The following VPS4B variants were observed in gnomAD, a reference collection of about 807,000 sequenced individuals.
VPS4B encodes vacuolar protein sorting 4 homolog B, also known as vacuolar protein sorting-associated protein 4B.
In VPS4B, 23 loss-of-function variants were observed where a neutral mutation model predicts 56.1. The ratio of observed to expected loss-of-function variants is 0.41; its 90% CI spans 0.30 to 0.58. The LOEUF is 0.58. Ranked by LOEUF, VPS4B falls within the 20% of genes least tolerant of loss-of-function variation. VPS4B has a pLI of 0.29. For synonymous variants in VPS4B, 177 were observed against 186.0 expected, an observed-to-expected ratio of 0.95 and a Z score of 0.39; for missense variants, 372 against 531.9, an observed-to-expected ratio of 0.70 and a Z score of 2.96.
chr18:63,405,796 AAAACAAACAAAC>A (rs548392723), intron 4 of VPS4B, among the ~76,000 whole-genome samples: 47 of 151,308 alleles, frequency 3.1e-4, no homozygotes, highest in Admixed American at 4.6e-4. Flanking sequence ...CACCTCTACA[AAAACAAACAAAC>A]AAACAAACAA....
intron 1 of VPS4B, among the ~76,000 whole-genome samples, chr18:63,414,924 T>C (rs1916129813): frequency 6.6e-6 from 1 of 152,254 alleles, no homozygotes. Context: ...GCTCCAAACA[T>C]AGTGCTAATT....
chr18:63,407,714 A>G (rs571300087), intron 3 of VPS4B, among the ~76,000 whole-genome samples: 29 of 152,314 alleles, frequency 1.9e-4, no homozygotes, highest in Middle Eastern at 6.8e-3. Flanking sequence ...GGACAAAAAG[A>G]CCAGAATGAA....
At chr18:63,408,379 A>G (rs111697975) in intron 3 of VPS4B, among the ~76,000 whole-genome samples, 5 of 152,312 alleles carry the variant, frequency 3.3e-5, no homozygotes, top group African/African-American at 1.2e-4. Context: ...GGTGAGGTAG[A>G]CACTGCAAAA....
chr18:63,414,401 C>T (rs1026441841), intron 1 of VPS4B, among the ~76,000 whole-genome samples: 1 of 152,104 alleles, frequency 6.6e-6, no homozygotes, highest in Non-Finnish European at 1.5e-5. Flanking sequence ...ATCTCAAAGC[C>T]TCAGTGGTTA....
Position 63,389,673 on chromosome 18 carries a change from C to T in VPS4B, c.*1302G>A, listed in dbSNP as rs1297463584. 3 of 152,600 alleles carry T rather than the reference C, an allele frequency of 2.0e-5. No individual in the cohort carries two copies. Among genetic ancestry groups the T allele is most frequent in the East Asian group, 1.9e-4 (1 of 5,200 alleles). The allele number at this position is 152,600 out of a possible 1,614,324, so 9.5% of individuals were successfully genotyped here. Reference sequence around the variant, plus strand: ...ATTTCTAAAGCTTCATAAAGCATTACACTGATAACATATGTGTGGTCAGGA... The same window carrying T: ...ATTTCTAAAGCTTCATAAAGCATTATACTGATAACATATGTGTGGTCAGGA... On this transcript the variant is annotated 3_prime_UTR_variant, in exon 11 of 11. Transcript: ENST00000238497.
chr18:63,419,430 T>A (rs1052426450), intron 1 of VPS4B, among the ~76,000 whole-genome samples: 1 of 150,810 alleles, frequency 6.6e-6, no homozygotes, highest in African/African-American at 2.5e-5. Flanking sequence ...AAAAAAAAAA[T>A]AAATGCAGAT....
At chr18:63,411,655 G>GTT (rs11383277) in intron 1 of VPS4B, 77 bp from the exon 2 acceptor site, 48,622 of 741,600 alleles carry the variant, frequency 0.066, 10 homozygotes, top group East Asian at 0.17. Flanking sequence ...CATACTGAAA[G>GTT]TTTTTTTTTT....
intron 5 of VPS4B, among the ~76,000 whole-genome samples, chr18:63,402,862 G>A (rs911420307): frequency 3.9e-5 from 6 of 152,152 alleles, no homozygotes; most frequent in East Asian, 1.9e-4. Context: ...TATACGATAC[G>A]ACTGTCTGGA....
chr18:63,411,501 C>G lies in VPS4B; in HGVS notation c.105G>C (p.Gln35His). ...GNYEEALQLY[Q>H]HAVQYFLHVV... ...CATGAAGAAAATACTGCACAGCATG[C>G]TGATAGAGCTGAAGGGCTTCTTCGT... Residue 35 changes from glutamine to histidine, a missense_variant, in exon 2 of 11, where the codon CAG becomes CAC. Transcript: ENST00000238497. The G allele has an allele frequency of 6.3e-7, 1 of 1,599,902 alleles. No individual in the cohort carries two copies. Among genetic ancestry groups the G allele is most frequent in the Non-Finnish European group, 8.5e-7 (1 of 1,172,690 alleles).
chr18:63,420,340 C>G (rs969068728), intron 1 of VPS4B, among the ~76,000 whole-genome samples: 2 of 151,986 alleles, frequency 1.3e-5, no homozygotes, highest in Admixed American at 1.3e-4. Context: ...CCCAGCTACT[C>G]GGGAGGCTGA....
In VPS4B at chr18:63,397,148, A is replaced by G. The variant is rs778069147; in HGVS notation, c.978T>C (p.Phe326=). Residue 326 remains phenylalanine (F), a synonymous_variant, in exon 9 of 11, where the codon TTT becomes TTC. Transcript: ENST00000238497. The part of the protein sequence containing the change: ...TTQNSLTEAD[F]RELGRKTDGY... ...CATCTGTTTTCCTCCCAAGTTCCCG[A>G]AAGTCTGCTTCCGTGAGACTGTTCT... 1.4e-5 allele frequency: 22 copies of G among 1,614,096 alleles called. No homozygotes were observed. The Admixed American group carries it at 3.5e-4, about 26-fold the overall frequency.
rs142699030 is a variant in VPS4B, at chr18:63,403,785, C to T, written c.406G>A (p.Val136Ile). 23 of 1,613,220 alleles carry T rather than the reference C, an allele frequency of 1.4e-5. No individual in the cohort carries two copies. The highest frequency in any genetic ancestry group is 6.7e-5 in the Admixed American group (4 of 59,966). The change falls in exon 5 of 11, where the codon GTT becomes ATT. Residue 136 changes from valine (V) to isoleucine (I), a missense_variant. Val to Ile is a conservative substitution (Grantham distance 29). Transcript: ENST00000238497. ...TCTTTGGCTCCTTCAAGTCCAGCAA[C>T]GTCACTCCATTTCACATTTGGTCGT... The part of the protein sequence containing the change: ...IERPNVKWSD[V>I]AGLEGAKEAL...
intron 3 of VPS4B, among the ~76,000 whole-genome samples, chr18:63,409,643 A>G (rs1915990285): frequency 6.6e-6 from 1 of 152,152 alleles, no homozygotes; most frequent in African/African-American, 2.4e-5. Context: ...TGCATCTAGA[A>G]GTGATACATC....
At chr18:63,419,510 T>C (rs1008111799) in intron 1 of VPS4B, among the ~76,000 whole-genome samples, 1 of 152,214 alleles carries the variant, frequency 6.6e-6, no homozygotes, top group Non-Finnish European at 1.5e-5. Flanking sequence ...TTTGAATGGA[T>C]ACTCTACTAA....
intron 10 of VPS4B, 48 bp downstream of exon 10, chr18:63,393,361 A>G: frequency 6.8e-7 from 1 of 1,475,694 alleles, no homozygotes. Flanking sequence ...AAAATTATGA[A>G]GTATAATGTT....
chr18:63,406,095 G>C (rs1343354701), intron 4 of VPS4B, among the ~76,000 whole-genome samples: 1 of 152,176 alleles, frequency 6.6e-6, no homozygotes, highest in Non-Finnish European at 1.5e-5. Context: ...AAATCCAATA[G>C]AGCAGACAAA....
At chr18:63,409,329 C>T (rs182665547) in intron 3 of VPS4B, among the ~76,000 whole-genome samples, 219 of 152,342 alleles carry the variant, frequency 1.4e-3, no homozygotes, top group East Asian at 7.7e-4. Context: ...AGCCACGAAG[C>T]CCCAAAGCAC....
At chr18:63,419,122 AC>A (rs985607099) in intron 1 of VPS4B, among the ~76,000 whole-genome samples, 1 of 151,976 alleles carries the variant, frequency 6.6e-6, no homozygotes, top group Non-Finnish European at 1.5e-5. Context: ...CTCCTCCCTC[AC>A]TTTTAAAATG....
chr18:63,396,881 T>A, intron 9 of VPS4B, 153 bp downstream of exon 9: 1 of 664,828 alleles, frequency 1.5e-6, no homozygotes, highest in Non-Finnish European at 2.5e-6. Context: ...TTCCAGCTAC[T>A]CAGGAGGCTA....
Sources: gnomAD v4.1 joint callset for allele counts (sites outside exome capture counted in the v4.1 genomes callset) on GRCh38, gnomAD v4.1.1 for gene constraint, MANE v1.5 for transcripts, NCBI Gene and HGNC (gene_info 2026-07-23, HGNC 2026-07-21) for gene names.